Variants in LRP1B observed in about 807,000 individuals in gnomAD.
LRP1B encodes the protein low-density lipoprotein receptor-related protein 1B.
In LRP1B, 217 loss-of-function variants were observed where a neutral mutation model predicts 556.6. The ratio of observed to expected loss-of-function variants is 0.39; its 90% CI spans 0.35 to 0.44. The LOEUF is 0.44. LRP1B is among the 20% of genes least tolerant of loss of function. The pLI is 1.00. For synonymous variants in LRP1B, 2,047 were observed against 1,865.8 expected (o/e 1.10, Z -2.50); for missense variants, 5,053 against 5,620.8 (o/e 0.90, Z 3.23).
At chr2:140,349,985 A>G (rs1363786684) in intron 77 of LRP1B, among the ~76,000 whole-genome samples, 3 of 152,098 alleles carry the variant, frequency 2.0e-5, no homozygotes, top group Non-Finnish European at 4.4e-5. Flanking sequence ...TAGTAGAAAA[A>G]GTAGTGAGAA....
rs1680518526 is a variant in LRP1B, at chr2:140,232,582, A to G, written c.*604T>C. ...AATGTAGTCATCTGTGTTCATGCAAATTATTAATTTTACATATTTTTAATT... is the reference window on the plus strand; with the variant it reads ...AATGTAGTCATCTGTGTTCATGCAAGTTATTAATTTTACATATTTTTAATT... On this transcript the variant is annotated 3_prime_UTR_variant, in exon 91 of 91. Transcript: ENST00000389484. 6.6e-6 allele frequency: 1 copy of G among 151,760 alleles called. No individual in the cohort carries two copies. The highest frequency in any genetic ancestry group is 6.6e-5 in the Admixed American group (1 of 15,118). 9.4% of individuals were successfully genotyped at this position (151,760 alleles called of 1,614,324 possible).
At chr2:140,804,476 A>G (rs1050570974) in intron 32 of LRP1B, among the ~76,000 whole-genome samples, 3 of 152,030 alleles carry the variant, frequency 2.0e-5, no homozygotes, top group African/African-American at 7.2e-5. Flanking sequence ...AGTATATCTT[A>G]GAAAATTCAT....
chr2:141,753,318 A>G (rs573077156), intron 2 of LRP1B, among the ~76,000 whole-genome samples: 38 of 134,384 alleles, frequency 2.8e-4, no homozygotes, highest in Admixed American at 1.5e-3. Context: ...AAACTTCAGT[A>G]TCACAGCCAT....
At chr2:140,737,368 A>G (rs1354808082) in intron 35 of LRP1B, among the ~76,000 whole-genome samples, 1 of 152,174 alleles carries the variant, frequency 6.6e-6, no homozygotes, top group African/African-American at 2.4e-5. Context: ...TGATGACCCA[A>G]GGTGAAAAGC....
intron 1 of LRP1B, among the ~76,000 whole-genome samples, chr2:141,968,546 T>C (rs1434513258): frequency 6.6e-6 from 1 of 151,726 alleles, no homozygotes; most frequent in African/African-American, 2.4e-5. Flanking sequence ...TTATGACTGC[T>C]GTACATGACT....
intron 41 of LRP1B, among the ~76,000 whole-genome samples, chr2:140,684,786 T>C (rs1685990705): frequency 6.6e-6 from 1 of 152,210 alleles, no homozygotes; most frequent in Non-Finnish European, 1.5e-5. Flanking sequence ...TGATTGTCTC[T>C]ATAATGGCAT....
At chr2:141,127,128 T>G (rs1701235387) in intron 7 of LRP1B, among the ~76,000 whole-genome samples, 1 of 152,018 alleles carries the variant, frequency 6.6e-6, no homozygotes, top group Non-Finnish European at 1.5e-5. Context: ...TCTATGCCTG[T>G]GTTAGCTTGC....
intron 3 of LRP1B, among the ~76,000 whole-genome samples, chr2:141,436,970 C>T (rs1302933045): frequency 6.6e-6 from 1 of 152,044 alleles, no homozygotes; most frequent in African/African-American, 2.4e-5. Flanking sequence ...ATCTTGGCAC[C>T]ACTGTAAATT....
chr2:140,961,695 T>TA (rs1175157156), intron 18 of LRP1B, among the ~76,000 whole-genome samples: 1 of 152,136 alleles, frequency 6.6e-6, no homozygotes, highest in Non-Finnish European at 1.5e-5. Context: ...CATGTTTACA[T>TA]TATTGTTATC....
intron 1 of LRP1B, among the ~76,000 whole-genome samples, chr2:141,934,434 A>T (rs1019899287): frequency 6.6e-6 from 1 of 152,212 alleles, no homozygotes; most frequent in Non-Finnish European, 1.5e-5. Context: ...AGGAGGATAC[A>T]TACAAAGAAC....
At chr2:140,427,948 T>C (rs1412148429) in intron 66 of LRP1B, among the ~76,000 whole-genome samples, 1 of 152,106 alleles carries the variant, frequency 6.6e-6, no homozygotes, top group African/African-American at 2.4e-5. Context: ...AGCAATTTCC[T>C]CTTAAAAAGG....
intron 2 of LRP1B, among the ~76,000 whole-genome samples, chr2:141,655,463 G>T (rs971351242): frequency 2.9e-4 from 44 of 152,002 alleles, no homozygotes; most frequent in Non-Finnish European, 1.5e-5. Context: ...GTTGAGCAGA[G>T]TTTTACACCT....
intron 25 of LRP1B, among the ~76,000 whole-genome samples, chr2:140,869,224 T>A (rs978968468): frequency 1.3e-4 from 20 of 152,110 alleles, no homozygotes; most frequent in African/African-American, 4.3e-4. Context: ...TTTTCATTCA[T>A]TCAATAAATT....
At chr2:140,648,604 T>C (rs973731066) in intron 41 of LRP1B, among the ~76,000 whole-genome samples, 1 of 151,888 alleles carries the variant, frequency 6.6e-6, no homozygotes, top group Non-Finnish European at 1.5e-5. Context: ...TAAGTAGGAA[T>C]AGAGGGTGGG....
At chr2:141,453,151 T>G (rs1487075325) in intron 3 of LRP1B, among the ~76,000 whole-genome samples, 2 of 151,920 alleles carry the variant, frequency 1.3e-5, no homozygotes, top group Admixed American at 6.6e-5. Flanking sequence ...GAAGGAGAAT[T>G]GCTTGAACCC....
intron 87 of LRP1B, among the ~76,000 whole-genome samples, chr2:140,245,692 G>C (rs1012703922): frequency 4.0e-5 from 6 of 151,360 alleles, no homozygotes; most frequent in South Asian, 2.1e-4. Context: ...GGTAGCATTA[G>C]TTTGAGCCCT....
At chr2:140,683,715 A>G (rs1433527531) in intron 41 of LRP1B, 1 of 745,068 alleles carries the variant, frequency 1.3e-6, no homozygotes, top group South Asian at 1.4e-5. Flanking sequence ...CATTAGAGAC[A>G]CTCTGTGCTC....
intron 2 of LRP1B, among the ~76,000 whole-genome samples, chr2:141,691,236 G>T (rs2105446053): frequency 6.6e-6 from 1 of 151,876 alleles, no homozygotes; most frequent in Non-Finnish European, 1.5e-5. Context: ...ATACTAAGCA[G>T]CTAGGAATGA....
rs1687223287 is a variant in LRP1B, at chr2:140,716,718, C to T, written c.5857G>A (p.Gly1953Arg). Residue 1953 changes from glycine (G) to arginine (R), a missense_variant, in exon 36 of 91, where the codon GGA becomes AGA. Physicochemically the swap from Gly to Arg is moderately radical, Grantham distance 125. This residue lies in a region of LRP1B where 3,619 missense variants were observed against 3,931.9 expected (regional missense o/e 0.92). Transcript: ENST00000389484. ...TCAACAGCTATCCCTTCCACTCTTC[C>T]CAAGCCATTGGTAATGATATCTTCT... Reference protein sequence around the residue: ...WKEDIITNGLGRVEGIAVDWI... With the variant: ...WKEDIITNGLRRVEGIAVDWI... 1.2e-6 allele frequency: 2 copies of T among 1,612,396 alleles called. No homozygotes were observed. The highest frequency in any genetic ancestry group is 2.2e-5 in the East Asian group (1 of 44,802).
Sources: allele counts gnomAD v4.1 joint callset (sites outside exome capture counted in the v4.1 genomes callset), GRCh38; gene constraint gnomAD v4.1.1; regional missense constraint gnomAD v4.1.1; transcripts MANE v1.5; gene names NCBI Gene and HGNC (gene_info 2026-07-23, HGNC 2026-07-21).